PCDHGA7: variants seen among roughly 807,000 people sequenced by gnomAD.
PCDHGA7 encodes protocadherin gamma subfamily A, 7.
Under a neutral mutation model 58.3 loss-of-function variants are expected in PCDHGA7, and 44 were observed. The observed-to-expected ratio is 0.75, with a 90% confidence interval of 0.59 to 0.97. The LOEUF is 0.97. Ranked by LOEUF, PCDHGA7 falls within the 50% of genes least tolerant of loss-of-function variation. The probability of loss-of-function intolerance (pLI) is 0.00; values close to 1 mark genes in which losing one functional copy is unlikely to be tolerated. For synonymous variants in PCDHGA7, 516 were observed against 504.2 expected (o/e 1.02, Z -0.31); for missense variants, 1,266 against 1,188.7 (o/e 1.06, Z -0.96).
intron 1 of PCDHGA7, among the ~76,000 whole-genome samples, chr5:141,444,786 T>C (rs1252217349): frequency 6.6e-6 from 1 of 152,226 alleles, no homozygotes; most frequent in Non-Finnish European, 1.5e-5. Context: ...CATGTTTCAT[T>C]TGTCTATTCT....
rs780836649 is a variant in PCDHGA7 at position 141,414,681 on chromosome 5, G to C, written c.2424+29358G>C. 38 of 1,613,836 alleles carry C rather than the reference G, an allele frequency of 2.4e-5. 1 individual carries two copies. The East Asian group carries it at 8.5e-4, about 36-fold the overall frequency. ...CCCTGGCTGAAGACACCATCCAGGG[G>C]GTACCTCTGTCCTCATACATATCCA... On this transcript the variant is annotated intron_variant, in intron 1 of 3. Coordinates refer to ENST00000518325, the MANE Select transcript of PCDHGA7 (RefSeq NM_018920.4).
chr5:141,410,760 A>C, intron 1 of PCDHGA7: 1 of 1,177,482 alleles, frequency 8.5e-7, no homozygotes. Context: ...ATGTTTTTTC[A>C]ATTATAGTTT....
At chr5:141,504,545 TGTTGGGGG>T in intron 2 of PCDHGA7, among the ~76,000 whole-genome samples, 1 of 151,524 alleles carries the variant, frequency 6.6e-6, no homozygotes, top group South Asian at 2.1e-4. Flanking sequence ...TCATGGCAAA[TGTTGGGGG>T]ACTGGCATTC....
chr5:141,428,052 G>A (rs750852525), intron 1 of PCDHGA7: 6 of 1,608,992 alleles, frequency 3.7e-6, no homozygotes, highest in East Asian at 4.5e-5. Context: ...GACCAAGGTG[G>A]TGGCGGTGGA....
In PCDHGA7 at chr5:141,384,418, A is replaced by G. The variant is rs761365195; in HGVS notation, c.1519A>G (p.Ile507Val). The G allele has an allele frequency of 2.5e-6, 4 of 1,613,972 alleles. No homozygotes were observed. The highest frequency in any genetic ancestry group is 3.4e-6 in the Non-Finnish European group (4 of 1,179,878). Residue 507 changes from isoleucine to valine, a missense_variant, in exon 1 of 4, where the codon ATA becomes GTA. Transcript: ENST00000518325. ...GGCTCCAGTGTCCTCCTATGTCTCC[A>G]TAAACTCTGACACTGGAGTCCTGTA... The part of the protein sequence containing the change: ...QGAPVSSYVS[I>V]NSDTGVLYAL...
chr5:141,469,829 A>G (rs2099212486), intron 1 of PCDHGA7, among the ~76,000 whole-genome samples: 1 of 152,102 alleles, frequency 6.6e-6, no homozygotes, highest in African/African-American at 2.4e-5. Context: ...AGGTCACATA[A>G]AACTTATTCT....
chr5:141,399,997 A>G, intron 1 of PCDHGA7: 1 of 1,612,344 alleles, frequency 6.2e-7, no homozygotes, highest in Non-Finnish European at 8.5e-7. Context: ...AGAGGTGCGC[A>G]CAGCGCGTGC....
rs759041753 is a variant in PCDHGA7 at position 141,388,806 on chromosome 5, G to A, written c.2424+3483G>A. 32 of 1,613,842 alleles carry A rather than the reference G, an allele frequency of 2.0e-5. No individual in the cohort carries two copies. Among genetic ancestry groups the A allele is most frequent in the Non-Finnish European group, 2.5e-5 (29 of 1,179,864 alleles). On this transcript the variant is annotated intron_variant, in intron 1 of 3. Coordinates refer to ENST00000518325, the MANE Select transcript of PCDHGA7 (RefSeq NM_018920.4). Reference sequence around the variant, plus strand: ...TACTGTTTTAAATACATTAGATTTTGAAGAAGTCAAAGAATATTCCATAGT... The same window carrying A: ...TACTGTTTTAAATACATTAGATTTTAAAGAAGTCAAAGAATATTCCATAGT...
Position 141,451,680 on chromosome 5 carries a change from A to G in PCDHGA7, c.2425-43127A>G, listed in dbSNP as rs189200375. Among the ~76,000 whole-genome samples, 85 of 152,310 alleles carry G rather than the reference A, an allele frequency of 5.6e-4. 1 individual carries two copies. The East Asian group carries it at 0.012, about 21-fold the overall frequency. On this transcript the variant is annotated intron_variant, in intron 1 of 3. Coordinates refer to ENST00000518325, the MANE Select transcript of PCDHGA7 (RefSeq NM_018920.4). The stretch of plus-strand genomic sequence containing the variant: ...GTGGACTGCTTGAGCCCAGGAGTTC[A>G]AGACCAGCCTGGGTAACATGACAAA...
rs748105196 is a variant in PCDHGA7 at position 141,486,849 on chromosome 5, A to G, written c.2425-7958A>G. ...GTTCGTCTATTTGTGCTGGACCTCA[A>G]TGACAATGCTCCAGCTGTGCTCCGT... is the stretch of plus-strand genomic sequence containing the variant. On this transcript the variant is annotated intron_variant, in intron 1 of 3. Coordinates refer to ENST00000518325, the MANE Select transcript of PCDHGA7 (RefSeq NM_018920.4). The surrounding 1 kb of genome is among the most constrained non-coding windows in gnomAD (Gnocchi z 5.0). 4.3e-6 allele frequency: 7 copies of G among 1,614,110 alleles called. No individual in the cohort carries two copies. The highest frequency in any genetic ancestry group is 5.1e-6 in the Non-Finnish European group (6 of 1,180,036).
At position 141,476,973 on chromosome 5, in the gene PCDHGA7, A is replaced by C. The variant is rs1205314116; in HGVS notation, c.2425-17834A>C. Reference sequence around the variant, plus strand: ...GAAATTATTTACTCCTTCGGCAGCCACAACCGCGCCGGCGTGCGGCAACTA... The same window carrying C: ...GAAATTATTTACTCCTTCGGCAGCCCCAACCGCGCCGGCGTGCGGCAACTA... On this transcript the variant is annotated intron_variant, in intron 1 of 3. Coordinates refer to ENST00000518325, the MANE Select transcript of PCDHGA7 (RefSeq NM_018920.4). The surrounding 1 kb of genome is among the most constrained non-coding windows in gnomAD (Gnocchi z 7.6). 6.2e-7 allele frequency: 1 copy of C among 1,614,230 alleles called. No homozygotes were observed. The highest frequency in any genetic ancestry group is 2.2e-5 in the East Asian group (1 of 44,884).
chr5:141,388,868 A>G lies in PCDHGA7; in HGVS notation c.2424+3545A>G, dbSNP rs138074064. On this transcript the variant is annotated intron_variant, in intron 1 of 3. Transcript: ENST00000518325. The stretch of plus-strand genomic sequence containing the variant: ...GGGACGGTGGAGGAATGATTGCGCA[A>G]TGCACAGTGGAGGTAGAAGTCATAG... 208 of 1,613,992 alleles carry G rather than the reference A, an allele frequency of 1.3e-4. 2 individuals are homozygous for G. In the African/African-American group the frequency reaches 2.5e-3, roughly 19 times the overall value.
intron 1 of PCDHGA7, among the ~76,000 whole-genome samples, chr5:141,482,530 C>CAAAAAAAAAA (rs3074545): frequency 1.2e-3 from 90 of 76,428 alleles, no homozygotes; most frequent in African/African-American, 1.7e-3. Context: ...GACAGACATG[C>CAAAAAAAAAA]AAAAAAAAAA....
chr5:141,476,783 G>C lies in PCDHGA7; in HGVS notation c.2425-18024G>C. ...GACGGCGTTGGACGGAGGGACCCCAGCTCTCTCCGCCAGCCTGCCTATTCA... is the reference window on the plus strand; with the variant it reads ...GACGGCGTTGGACGGAGGGACCCCACCTCTCTCCGCCAGCCTGCCTATTCA... On this transcript the variant is annotated intron_variant, in intron 1 of 3. Coordinates refer to ENST00000518325, the MANE Select transcript of PCDHGA7 (RefSeq NM_018920.4). This position sits in a 1 kb window ranked among gnomAD's most constrained non-coding sequence, Gnocchi z 7.6. The C allele has an allele frequency of 6.2e-7, 1 of 1,613,510 alleles. No homozygotes were observed. The highest frequency in any genetic ancestry group is 8.5e-7 in the Non-Finnish European group (1 of 1,180,030).
chr5:141,423,864 G>A (rs180692491), intron 1 of PCDHGA7: 551 of 1,284,224 alleles, frequency 4.3e-4, no homozygotes, highest in Non-Finnish European at 5.0e-4. Context: ...TTTTGTGAAA[G>A]TCATTTTTCA....
rs1024955582 is a variant in PCDHGA7 at position 141,383,126 on chromosome 5, C to T, written c.227C>T (p.Ala76Val). 1 of 1,614,062 alleles carries T rather than the reference C, an allele frequency of 6.2e-7. No individual in the cohort carries two copies. The highest frequency in any genetic ancestry group is 1.3e-5 in the African/African-American group (1 of 75,058). Reference sequence around the variant, plus strand: ...TCCAGAGGTAGGACGCAGCTTTTCGCCCTGAACCAGCGCAGCGGCAGCTTG... The same window carrying T: ...TCCAGAGGTAGGACGCAGCTTTTCGTCCTGAACCAGCGCAGCGGCAGCTTG... ...IISRGRTQLFALNQRSGSLVT... is the reference protein window; with the variant it reads ...IISRGRTQLFVLNQRSGSLVT... The change falls in exon 1 of 4, where the codon GCC becomes GTC. Residue 76 changes from alanine (A) to valine (V), a missense_variant. Physicochemically the swap from Ala to Val is moderately conservative, Grantham distance 64 (BLOSUM62 0). Transcript: ENST00000518325.
chr5:141,393,088 G>C (rs760420305), intron 1 of PCDHGA7: 4 of 1,613,648 alleles, frequency 2.5e-6, no homozygotes, highest in South Asian at 1.1e-5. Context: ...AGGATAGATC[G>C]GGAGGAGCTC....
chr5:141,389,045 T>C, intron 1 of PCDHGA7: 3 of 1,613,920 alleles, frequency 1.9e-6, no homozygotes, highest in Non-Finnish European at 2.5e-6. Flanking sequence ...TGGAAGGTGA[T>C]GTTCCATTTA....
At chr5:141,417,179 A>C (rs1015183950) in intron 1 of PCDHGA7, 1 of 152,194 alleles carries the variant, frequency 6.6e-6, no homozygotes, top group African/African-American at 2.4e-5. Context: ...GAAATAAGGA[A>C]TTATTACTTT....
Sources: allele counts gnomAD v4.1 joint callset (sites outside exome capture counted in the v4.1 genomes callset), GRCh38; gene constraint gnomAD v4.1.1; non-coding constraint Gnocchi (gnomAD v3.1); transcripts MANE v1.5; gene names NCBI Gene and HGNC (gene_info 2026-07-23, HGNC 2026-07-21).